Variants in AGBL1 observed in about 807,000 individuals in gnomAD.
AGBL1 encodes the protein cytosolic carboxypeptidase 4.
Under a neutral mutation model 118.9 loss-of-function variants are expected in AGBL1, and 130 were observed. The observed-to-expected ratio is 1.09, with a 90% CI of 0.95 to 1.26. The LOEUF (loss-of-function observed/expected upper bound fraction) is 1.26. Among genes scored for constraint, AGBL1 ranks in the 50% most tolerant of loss-of-function variants. AGBL1 has a pLI of 0.00. For synonymous variants in AGBL1, 555 were observed against 478.9 expected, an observed-to-expected ratio of 1.16 and a Z score of -2.08; for missense variants, 1,584 against 1,298.1, an observed-to-expected ratio of 1.22 and a Z score of -3.38.
chr15:86,795,162 A>T (rs977916509), intron 22 of AGBL1, among the ~76,000 whole-genome samples: 2 of 152,188 alleles, frequency 1.3e-5, no homozygotes, highest in African/African-American at 4.8e-5. Context: ...TTTAGCTGCA[A>T]TTGGAATCTT....
At chr15:86,868,901 C>A (rs759280517) in intron 22 of AGBL1, among the ~76,000 whole-genome samples, 1 of 152,180 alleles carries the variant, frequency 6.6e-6, no homozygotes, top group Non-Finnish European at 1.5e-5. Context: ...ATGAATTAAA[C>A]TGCCTGTGCT....
intron 17 of AGBL1, among the ~76,000 whole-genome samples, chr15:86,335,686 A>G (rs536104555): frequency 6.8e-4 from 104 of 152,364 alleles, no homozygotes; most frequent in African/African-American, 2.4e-3. Context: ...ATTGTTTTCT[A>G]AAACTCAAGA....
At chr15:86,787,254 G>A (rs1379714258) in intron 22 of AGBL1, among the ~76,000 whole-genome samples, 1 of 151,966 alleles carries the variant, frequency 6.6e-6, no homozygotes, top group Non-Finnish European at 1.5e-5. Context: ...GTATATGTGT[G>A]GTGAGAGCAC....
intron 24 of AGBL1, among the ~76,000 whole-genome samples, chr15:87,028,367 G>C (rs2081754805): frequency 6.6e-6 from 1 of 151,932 alleles, no homozygotes; most frequent in Non-Finnish European, 1.5e-5. Flanking sequence ...CTCAAACGTG[G>C]TTAGTGAGTA....
At chr15:86,827,848 A>G (rs2079050277) in intron 22 of AGBL1, among the ~76,000 whole-genome samples, 1 of 148,692 alleles carries the variant, frequency 6.7e-6, no homozygotes, top group African/African-American at 2.5e-5. Flanking sequence ...GGCTACCATA[A>G]GATAAAAGAT....
At chr15:86,742,780 A>G (rs1024554279) in intron 22 of AGBL1, among the ~76,000 whole-genome samples, 1 of 152,128 alleles carries the variant, frequency 6.6e-6, no homozygotes, top group Non-Finnish European at 1.5e-5. Flanking sequence ...AAGTCTCCTT[A>G]TGCAGAATAA....
intron 22 of AGBL1, among the ~76,000 whole-genome samples, chr15:86,696,357 G>T (rs1043458245): frequency 1.3e-4 from 20 of 151,864 alleles, no homozygotes; most frequent in African/African-American, 4.1e-4. Flanking sequence ...TTTTTAAACT[G>T]CTGTTGCTTT....
At chr15:86,208,909 G>A (rs2078043049) in intron 5 of AGBL1, among the ~76,000 whole-genome samples, 1 of 152,140 alleles carries the variant, frequency 6.6e-6, no homozygotes, top group Admixed American at 6.5e-5. Flanking sequence ...TGTGATGTTA[G>A]GGTGTCGATT....
intron 1 of AGBL1, among the ~76,000 whole-genome samples, chr15:86,107,303 T>G (rs563187477): frequency 3.3e-5 from 5 of 152,266 alleles, no homozygotes; most frequent in Admixed American, 6.5e-5. Flanking sequence ...AATTTTCATA[T>G]GTAGTGGCCA....
chr15:86,548,663 G>GCACACGCACA (rs2083620940), intron 20 of AGBL1, among the ~76,000 whole-genome samples: 1 of 142,694 alleles, frequency 7.0e-6, no homozygotes, highest in African/African-American at 2.6e-5. Flanking sequence ...ACACATGCAC[G>GCACACGCACA]CACACACACA....
At position 86,860,416 on chromosome 15, in the gene AGBL1, A is replaced by C. The variant is rs557408362; in HGVS notation, c.3159-46671A>C. ...TCTTTTTCTCCTGGAATATATATAT[A>C]TCTCTTTATATATAATTTCATATAT... On this transcript the variant is annotated intron_variant, in intron 22 of 22. Coordinates refer to ENST00000614907, the MANE Select transcript of AGBL1 (RefSeq NM_001386094.1). Among the ~76,000 whole-genome samples, 338 of 150,410 alleles carry C rather than the reference A, an allele frequency of 2.2e-3. 3 individuals carry two copies. The highest frequency in any genetic ancestry group is 3.0e-3 in the Non-Finnish European group (205 of 67,680).
chr15:86,270,122 T>C, intron 14 of AGBL1, 55 bp downstream of exon 14: 1 of 1,555,562 alleles, frequency 6.4e-7, no homozygotes, highest in Non-Finnish European at 8.7e-7. Context: ...ATGACATTTC[T>C]TGACTGTTTG....
chr15:86,348,113 C>A (rs895336300), intron 17 of AGBL1, among the ~76,000 whole-genome samples: 7 of 152,266 alleles, frequency 4.6e-5, no homozygotes, highest in African/African-American at 1.4e-4. Context: ...GCTTTCCATG[C>A]TGGCTTTCCT....
chr15:86,793,768 C>T (rs2078531263), intron 22 of AGBL1, among the ~76,000 whole-genome samples: 1 of 152,120 alleles, frequency 6.6e-6, no homozygotes, highest in Non-Finnish European at 1.5e-5. Flanking sequence ...AAAAGACAAA[C>T]AACCCAATTA....
intron 17 of AGBL1, among the ~76,000 whole-genome samples, chr15:86,334,656 A>T (rs928777488): frequency 2.0e-5 from 3 of 152,066 alleles, no homozygotes; most frequent in African/African-American, 7.2e-5. Context: ...TAGAAAAAAA[A>T]ACTATTCTAA....
In AGBL1 at chr15:86,687,031, T is replaced by C. The variant is rs535456394; in HGVS notation, c.3158+12595T>C. Among the ~76,000 whole-genome samples the C allele has an allele frequency of 3.1e-4, 47 of 152,272 alleles. No homozygotes were observed. In the South Asian group the frequency reaches 4.8e-3, roughly 15 times the overall value. On this transcript the variant is annotated intron_variant, in intron 22 of 22. Coordinates refer to ENST00000614907, the MANE Select transcript of AGBL1 (RefSeq NM_001386094.1). The stretch of plus-strand genomic sequence containing the variant: ...TGTAAAATCATTCATCTCTGGTTTC[T>C]AACTTATCCTTGCACCGGTCAGGGT...
chr15:86,941,926 AAG>A (rs566646356), intron 23 of AGBL1, among the ~76,000 whole-genome samples: 131 of 152,318 alleles, frequency 8.6e-4, no homozygotes, highest in African/African-American at 3.1e-3. Context: ...GTGGAAGAAA[AAG>A]AGTTAAGATT....
At chr15:86,111,537 C>G (rs961727178) in intron 1 of AGBL1, among the ~76,000 whole-genome samples, 1 of 152,170 alleles carries the variant, frequency 6.6e-6, no homozygotes, top group African/African-American at 2.4e-5. Flanking sequence ...GAAGCTGAAG[C>G]CTCATGGCTG....
At chr15:86,682,067 C>T (rs573541012) in intron 22 of AGBL1, among the ~76,000 whole-genome samples, 1 of 152,278 alleles carries the variant, frequency 6.6e-6, no homozygotes, top group Non-Finnish European at 1.5e-5. Flanking sequence ...TAATTATCTG[C>T]TGTTGTCTTA....
Sources: allele counts gnomAD v4.1 joint callset (sites outside exome capture counted in the v4.1 genomes callset), GRCh38; gene constraint gnomAD v4.1.1; transcripts MANE v1.5; gene names NCBI Gene and HGNC (gene_info 2026-07-23, HGNC 2026-07-21).